Variants in DCLK1 observed in about 807,000 individuals in gnomAD.
DCLK1 encodes the protein serine/threonine-protein kinase DCLK1.
In DCLK1, 16 loss-of-function variants were observed where a neutral mutation model predicts 86.2. The ratio of observed to expected loss-of-function variants is 0.19; its 90% confidence interval spans 0.13 to 0.28. The LOEUF is 0.28. Ranked by LOEUF, DCLK1 falls within the 10% of genes least tolerant of loss-of-function variation. The pLI is 1.00. For synonymous variants in DCLK1, 369 were observed against 370.5 expected, an observed-to-expected ratio of 1.00 and a Z score of 0.05; for missense variants, 590 against 940.2, an observed-to-expected ratio of 0.63 and a Z score of 4.87.
At chr13:36,110,215 G>A (rs1339862301) in intron 3 of DCLK1, among the ~76,000 whole-genome samples, 4 of 152,082 alleles carry the variant, frequency 2.6e-5, no homozygotes, top group Non-Finnish European at 4.4e-5. Flanking sequence ...GCCAGTGAAG[G>A]GCTTACAAAA....
intron 3 of DCLK1, among the ~76,000 whole-genome samples, chr13:35,959,787 G>A (rs1461459210): frequency 1.3e-5 from 2 of 151,684 alleles, no homozygotes; most frequent in African/African-American, 2.4e-5. Flanking sequence ...CCAAAGGCAG[G>A]GTAGGGCACA....
At chr13:35,915,236 A>G (rs145946322) in intron 4 of DCLK1, among the ~76,000 whole-genome samples, 4 of 152,372 alleles carry the variant, frequency 2.6e-5, no homozygotes, top group African/African-American at 9.6e-5. Flanking sequence ...CAGAAACTCA[A>G]TAGTTCTAGG....
At chr13:35,957,880 T>G (rs973240777) in intron 3 of DCLK1, among the ~76,000 whole-genome samples, 24 of 73,094 alleles carry the variant, frequency 3.3e-4, no homozygotes, top group African/African-American at 6.9e-4. Context: ...CCCACAAAGC[T>G]GACATTTCCA....
At chr13:36,121,308 C>T (rs1885982366) in intron 2 of DCLK1, among the ~76,000 whole-genome samples, 1 of 152,016 alleles carries the variant, frequency 6.6e-6, no homozygotes, top group Non-Finnish European at 1.5e-5. Context: ...ACAGTACTGC[C>T]CCACTTTATC....
intron 5 of DCLK1, among the ~76,000 whole-genome samples, chr13:35,867,878 G>GGAGA (rs933977945): frequency 6.3e-5 from 4 of 63,286 alleles, no homozygotes; most frequent in African/African-American, 2.0e-4. Flanking sequence ...AAAGAGAGAG[G>GGAGA]GAGAGAGAGA....
intron 11 of DCLK1, among the ~76,000 whole-genome samples, chr13:35,817,422 G>C (rs1021097133): frequency 6.6e-6 from 1 of 151,932 alleles, no homozygotes; most frequent in Non-Finnish European, 1.5e-5. Flanking sequence ...GTTTCTGCCC[G>C]GACACTCACA....
At chr13:36,107,466 A>C (rs187054394) in intron 3 of DCLK1, among the ~76,000 whole-genome samples, 50 of 150,982 alleles carry the variant, frequency 3.3e-4, no homozygotes, top group African/African-American at 1.1e-3. Flanking sequence ...TGAAATGTCT[A>C]TAAGATAAAA....
chr13:36,081,449 C>T (rs1884417061), intron 3 of DCLK1, among the ~76,000 whole-genome samples: 1 of 152,046 alleles, frequency 6.6e-6, no homozygotes, highest in African/African-American at 2.4e-5. Context: ...ATGCTGAAAT[C>T]TACTTAAAAA....
At chr13:35,814,006 A>G (rs938732335) in intron 11 of DCLK1, among the ~76,000 whole-genome samples, 1 of 152,038 alleles carries the variant, frequency 6.6e-6, no homozygotes, top group African/African-American at 2.4e-5. Flanking sequence ...TTTCTCTGTC[A>G]ACACTTTGGG....
At chr13:36,060,581 T>C (rs1194510475) in intron 3 of DCLK1, among the ~76,000 whole-genome samples, 2 of 152,214 alleles carry the variant, frequency 1.3e-5, no homozygotes, top group Non-Finnish European at 2.9e-5. Flanking sequence ...GTGTGTTGAC[T>C]GGCAGAGATT....
chr13:35,813,257 T>C (rs1287433665), intron 11 of DCLK1, among the ~76,000 whole-genome samples: 1 of 152,234 alleles, frequency 6.6e-6, no homozygotes, highest in Middle Eastern at 3.2e-3. Context: ...TGTGAGGTGA[T>C]GCAGATTGTA....
At chr13:36,124,868 T>C (rs1002452643) in intron 2 of DCLK1, among the ~76,000 whole-genome samples, 4 of 152,166 alleles carry the variant, frequency 2.6e-5, no homozygotes, top group African/African-American at 4.8e-5. Flanking sequence ...AAGGATCTGC[T>C]AGCTTTTTTT....
intron 4 of DCLK1, among the ~76,000 whole-genome samples, chr13:35,907,623 G>A (rs1382005099): frequency 2.0e-5 from 3 of 152,026 alleles, no homozygotes; most frequent in Admixed American, 6.5e-5. Flanking sequence ...TGCAACAGGA[G>A]CGTATGGGGA....
rs187516475 is a variant in DCLK1 at position 35,950,287 on chromosome 13, C to T, written c.724-2830G>A. Among the ~76,000 whole-genome samples the T allele has an allele frequency of 4.1e-4, 62 of 152,296 alleles. 1 individual carries two copies. The highest frequency in any genetic ancestry group is 1.2e-3 in the Admixed American group (19 of 15,300). On this transcript the variant is annotated intron_variant, in intron 3 of 16. Coordinates refer to ENST00000360631, the MANE Select transcript of DCLK1 (RefSeq NM_001330071.2). Reference sequence around the variant, plus strand: ...CTTCAATGCACTTCAATTATCCACGCGCTCATGCATTATCATTGATACAGA... The same window carrying T: ...CTTCAATGCACTTCAATTATCCACGTGCTCATGCATTATCATTGATACAGA...
intron 5 of DCLK1, among the ~76,000 whole-genome samples, chr13:35,856,196 G>A (rs1257279482): frequency 6.6e-6 from 1 of 152,236 alleles, no homozygotes; most frequent in Non-Finnish European, 1.5e-5. Flanking sequence ...TTTGCAGAGA[G>A]AGTGAACTGG....
At chr13:35,889,411 T>A (rs1240771926) in intron 4 of DCLK1, among the ~76,000 whole-genome samples, 2 of 151,990 alleles carry the variant, frequency 1.3e-5, no homozygotes, top group South Asian at 2.1e-4. Context: ...AAATTAGGAG[T>A]TAGGGGCTCT....
At chr13:35,789,920 G>A (rs930910469) in intron 16 of DCLK1, among the ~76,000 whole-genome samples, 3 of 151,268 alleles carry the variant, frequency 2.0e-5, no homozygotes, top group African/African-American at 7.3e-5. Context: ...TACTGAGAAA[G>A]GCAGCAGAGG....
chr13:35,845,627 C>A (rs1300024751), intron 6 of DCLK1, among the ~76,000 whole-genome samples: 1 of 152,146 alleles, frequency 6.6e-6, no homozygotes, highest in East Asian at 1.9e-4. Context: ...TTAAGGCAAC[C>A]CTGAAAGGAA....
chr13:36,092,468 T>A (rs1392738627), intron 3 of DCLK1, among the ~76,000 whole-genome samples: 1 of 149,398 alleles, frequency 6.7e-6, no homozygotes, highest in African/African-American at 2.5e-5. Context: ...ATGTCTCTTA[T>A]CCGAGAGGCG....
Sources: gnomAD v4.1 joint callset for allele counts (sites outside exome capture counted in the v4.1 genomes callset) on GRCh38, gnomAD v4.1.1 for gene constraint, MANE v1.5 for transcripts, NCBI Gene and HGNC (gene_info 2026-07-23, HGNC 2026-07-21) for gene names.